The following ACYP2 variants were observed in gnomAD, a reference collection of about 807,000 sequenced individuals.
ACYP2 encodes acylphosphatase 2, also known as acylphosphatase-2.
In ACYP2, 12 loss-of-function variants were observed where a neutral mutation model predicts 11.2. The ratio of observed to expected loss-of-function variants is 1.08; its 90% CI spans 0.69 to 1.74. The LOEUF (loss-of-function observed/expected upper bound fraction) is 1.74, where lower values mean the gene tolerates loss of function less well. Ranked by LOEUF, ACYP2 falls within the 40% of genes most tolerant of loss-of-function variation. The pLI is 0.00. For missense variants in ACYP2, 134 were observed against 101.9 expected (o/e 1.31, Z -1.35); for synonymous variants, 43 against 32.2 (o/e 1.33, Z -1.13).
chr2:54,050,583 A>G (rs1339135933), intron 2 of ACYP2, among the ~76,000 whole-genome samples: 1 of 151,834 alleles, frequency 6.6e-6, no homozygotes, highest in Non-Finnish European at 1.5e-5. Context: ...ACTAAAGAAA[A>G]CAAAATTTTA....
At chr2:54,302,922 C>T (rs893469738) in intron 6 of ACYP2, among the ~76,000 whole-genome samples, 1 of 152,200 alleles carries the variant, frequency 6.6e-6, no homozygotes, top group African/African-American at 2.4e-5. Context: ...CTCTGCTAAC[C>T]ACCCTGTGCA....
chr2:54,120,702 ACTGGTCTGGATC>A (rs1292241857), intron 4 of ACYP2, among the ~76,000 whole-genome samples: 35 of 152,088 alleles, frequency 2.3e-4, no homozygotes, highest in Admixed American at 1.9e-3. Flanking sequence ...AGGCTGTGCT[ACTGGTCTGGATC>A]CTGCGCTTGC....
intron 2 of ACYP2, among the ~76,000 whole-genome samples, chr2:54,004,404 C>CTTTTTTTT (rs1168703943): frequency 8.7e-5 from 8 of 92,060 alleles, no homozygotes; most frequent in African/African-American, 1.5e-4. Context: ...GTAGTTTAGC[C>CTTTTTTTT]TTTTTTTTTT....
At chr2:54,080,307 T>C (rs1239932545) in intron 4 of ACYP2, 2 of 152,248 alleles carry the variant, frequency 1.3e-5, no homozygotes, top group East Asian at 3.8e-4. Flanking sequence ...AAAAACAATA[T>C]TTTTATTGTT....
intron 6 of ACYP2, among the ~76,000 whole-genome samples, chr2:54,202,442 C>T (rs1727508): frequency 0.3 from 38,257 of 129,082 alleles, 5,433 homozygotes; most frequent in South Asian, 0.46. Flanking sequence ...GAATCTTGCT[C>T]TGTCTCCCAG....
chr2:54,272,770 A>G (rs999758562), intron 6 of ACYP2, among the ~76,000 whole-genome samples: 1 of 152,254 alleles, frequency 6.6e-6, no homozygotes, highest in Non-Finnish European at 1.5e-5. Flanking sequence ...CAAGTATTCA[A>G]TAAATATTTG....
intron 2 of ACYP2, among the ~76,000 whole-genome samples, chr2:54,002,238 T>C (rs890869078): frequency 1.3e-5 from 2 of 152,242 alleles, no homozygotes. Context: ...TCCAGAATGT[T>C]ATACAGCAGG....
chr2:54,117,461 A>C (rs1191725829), intron 4 of ACYP2, among the ~76,000 whole-genome samples: 1 of 151,766 alleles, frequency 6.6e-6, no homozygotes, highest in Non-Finnish European at 1.5e-5. Flanking sequence ...TGCATGACTA[A>C]TTTTTAAAAT....
chr2:54,247,885 G>C (rs1687033346), intron 6 of ACYP2, among the ~76,000 whole-genome samples: 1 of 152,174 alleles, frequency 6.6e-6, no homozygotes, highest in African/African-American at 2.4e-5. Context: ...TCTCAACTGA[G>C]TCTCACATTC....
chr2:54,213,727 G>C (rs958713113), intron 6 of ACYP2, among the ~76,000 whole-genome samples: 4 of 151,930 alleles, frequency 2.6e-5, no homozygotes, highest in African/African-American at 4.8e-5. Context: ...GCGTTCATTT[G>C]AGAACTATCT....
chr2:54,173,044 T>A (rs1262951839), intron 6 of ACYP2, among the ~76,000 whole-genome samples: 1 of 152,254 alleles, frequency 6.6e-6, no homozygotes, highest in East Asian at 1.9e-4. Context: ...TGTTTTATAA[T>A]CCTTTGGTTA....
chr2:54,054,473 A>T (rs1676018805), intron 3 of ACYP2, among the ~76,000 whole-genome samples: 1 of 151,966 alleles, frequency 6.6e-6, no homozygotes, highest in South Asian at 2.1e-4. Flanking sequence ...TCTTGTTTTG[A>T]TTTTCTTGAA....
At chr2:53,988,870 C>T (rs1315710005) in intron 2 of ACYP2, among the ~76,000 whole-genome samples, 3 of 152,060 alleles carry the variant, frequency 2.0e-5, no homozygotes, top group Non-Finnish European at 2.9e-5. Context: ...CCTTAGGCTC[C>T]TTAGCAGCTG....
intron 4 of ACYP2, among the ~76,000 whole-genome samples, chr2:54,132,168 A>C (rs1469856315): frequency 7.1e-6 from 1 of 139,882 alleles, no homozygotes; most frequent in Non-Finnish European, 1.6e-5. Context: ...TACCCTTATG[A>C]TAAAAAGACG....
chr2:54,075,003 C>A (rs1388750749), intron 4 of ACYP2, among the ~76,000 whole-genome samples: 1 of 152,206 alleles, frequency 6.6e-6, no homozygotes, highest in Non-Finnish European at 1.5e-5. Context: ...AGTTGACACA[C>A]AAAATTAATC....
At chr2:54,041,742 G>T (rs1286678834) in intron 2 of ACYP2, among the ~76,000 whole-genome samples, 1 of 152,246 alleles carries the variant, frequency 6.6e-6, no homozygotes, top group African/African-American at 2.4e-5. Context: ...GCTGGGTGAG[G>T]TATCAAATGA....
At chr2:54,304,138 A>C (rs1689827768) in intron 6 of ACYP2, among the ~76,000 whole-genome samples, 1 of 151,934 alleles carries the variant, frequency 6.6e-6, no homozygotes. Context: ...AAAGTAGATG[A>C]GCATTTTTTC....
At chr2:53,982,828 C>CTCTGTGTGTGTG (rs375187346) in intron 2 of ACYP2, among the ~76,000 whole-genome samples, 118 of 140,614 alleles carry the variant, frequency 8.4e-4, no homozygotes, top group African/African-American at 3.0e-3. Context: ...TCACACAAGA[C>CTCTGTGTGTGTG]TGTGTGTGTG....
chr2:54,081,355 C>T (rs1443111221), intron 4 of ACYP2, among the ~76,000 whole-genome samples: 1 of 152,190 alleles, frequency 6.6e-6, no homozygotes, highest in Non-Finnish European at 1.5e-5. Flanking sequence ...CCACAATGCA[C>T]CTCTAATAGG....
Sources: gnomAD v4.1 joint callset for allele counts (sites outside exome capture counted in the v4.1 genomes callset) on GRCh38, gnomAD v4.1.1 for gene constraint, MANE v1.5 for transcripts, NCBI Gene and HGNC (gene_info 2026-07-23, HGNC 2026-07-21) for gene names.